The following LIMCH1 variants were observed in gnomAD, a reference collection of about 807,000 sequenced individuals.
LIMCH1 encodes LIM and calponin homology domains 1, also known as LIM and calponin homology domains-containing protein 1.
LIMCH1 carries 113 observed loss-of-function variants against 176.5 expected under a neutral mutation model. The observed-to-expected ratio is 0.64, with a 90% CI of 0.55 to 0.75. The LOEUF (loss-of-function observed/expected upper bound fraction) is 0.75, where lower values mean the gene tolerates loss of function less well. LIMCH1 is among the 30% of genes least tolerant of loss of function. The pLI, the probability that LIMCH1 is intolerant of heterozygous loss-of-function variation, is 0.00. For synonymous variants in LIMCH1, 619 were observed against 645.9 expected (o/e 0.96, Z 0.63); for missense variants, 1,674 against 1,814.9 (o/e 0.92, Z 1.41).
chr4:41,596,057 AAAAAT>A (rs1240750584), intron 1 of LIMCH1, among the ~76,000 whole-genome samples: 2,332 of 145,524 alleles, frequency 0.016, 164 homozygotes, highest in African/African-American at 0.059. Flanking sequence ...TCAAAAAAAA[AAAAAT>A]AAAAAAGTTC....
chr4:41,402,055 A>G (rs983115733), intron 1 of LIMCH1, among the ~76,000 whole-genome samples: 5 of 152,182 alleles, frequency 3.3e-5, no homozygotes, highest in East Asian at 3.9e-4. Flanking sequence ...CCTGGCCAGA[A>G]CTTCCAACAC....
At chr4:41,534,978 T>C (rs1583637583), upstream of LIMCH1, among the ~76,000 whole-genome samples, 1 of 151,998 alleles carries the variant, frequency 6.6e-6, no homozygotes, top group East Asian at 1.9e-4. Context: ...CTAGGCAACA[T>C]GGCAAAATCT....
intron 20 of LIMCH1, among the ~76,000 whole-genome samples, chr4:41,663,465 T>TA (rs1339559071): frequency 6.6e-6 from 1 of 152,218 alleles, no homozygotes; most frequent in Non-Finnish European, 1.5e-5. Context: ...CCTGTCAGCT[T>TA]ACTGGCTAGT....
chr4:41,655,605 C>G (rs1433004663), intron 18 of LIMCH1, among the ~76,000 whole-genome samples: 1 of 152,134 alleles, frequency 6.6e-6, no homozygotes, highest in Non-Finnish European at 1.5e-5. Context: ...AAAAAACATA[C>G]AGATGTGGAC....
At chr4:41,543,127 G>A (rs1003049147) in intron 1 of LIMCH1, among the ~76,000 whole-genome samples, 1 of 152,094 alleles carries the variant, frequency 6.6e-6, no homozygotes, top group South Asian at 2.1e-4. Flanking sequence ...AAGAGATGTG[G>A]GTGTTCATTC....
chr4:41,576,173 T>C (rs879705697), intron 1 of LIMCH1, among the ~76,000 whole-genome samples: 1 of 152,240 alleles, frequency 6.6e-6, no homozygotes, highest in Admixed American at 6.5e-5. Context: ...GTTTTTGAAC[T>C]TCTATTTGTC....
chr4:41,632,626 C>G (rs1307792167), intron 10 of LIMCH1, 123 bp from the exon 11 acceptor site: 1 of 752,612 alleles, frequency 1.3e-6, no homozygotes, highest in African/African-American at 1.7e-5. Context: ...TACTAACCAG[C>G]CTTTGGAATG....
intron 1 of LIMCH1, among the ~76,000 whole-genome samples, chr4:41,581,923 G>A (rs554896621): frequency 2.0e-5 from 3 of 151,186 alleles, no homozygotes; most frequent in Admixed American, 6.6e-5. Flanking sequence ...GTTCATCCAC[G>A]TTCTCACAAA....
chr4:41,664,681 A>T (rs936859743), intron 20 of LIMCH1, among the ~76,000 whole-genome samples: 2 of 152,224 alleles, frequency 1.3e-5, no homozygotes, highest in Non-Finnish European at 2.9e-5. Flanking sequence ...CAAGTAAAAC[A>T]TATAACTTGA....
At chr4:41,582,192 A>G (rs193027780) in intron 1 of LIMCH1, among the ~76,000 whole-genome samples, 1 of 152,188 alleles carries the variant, frequency 6.6e-6, no homozygotes, top group Non-Finnish European at 1.5e-5. Context: ...CTGCATGGTA[A>G]CTCATGGAAT....
intron 1 of LIMCH1, among the ~76,000 whole-genome samples, chr4:41,570,927 T>C (rs2083457714): frequency 6.6e-6 from 1 of 152,160 alleles, no homozygotes; most frequent in Non-Finnish European, 1.5e-5. Flanking sequence ...TAGGAGGTAA[T>C]GAACTGTGTC....
chr4:41,590,066 C>T (rs2087224953), intron 1 of LIMCH1, among the ~76,000 whole-genome samples: 1 of 151,950 alleles, frequency 6.6e-6, no homozygotes, highest in East Asian at 1.9e-4. Context: ...TTTAGCTCTC[C>T]CTGGGATCTT....
intron 1 of LIMCH1, among the ~76,000 whole-genome samples, chr4:41,491,824 C>T (rs143460633): frequency 0.057 from 8,309 of 144,654 alleles, 291 homozygotes; most frequent in Non-Finnish European, 0.068. Flanking sequence ...CAGGCAGAAG[C>T]GCTCCTCACT....
rs950383449 is a variant in LIMCH1 at position 41,681,073 on chromosome 4, T to G, written c.3717+14T>G. The G allele has an allele frequency of 2.7e-6, 4 of 1,488,154 alleles. No homozygotes were observed. The African/African-American group carries it at 5.6e-5, about 21-fold the overall frequency. 92.2% of individuals were successfully genotyped at this position (1,488,154 alleles called of 1,614,324 possible). ...AGTGGGACAATGGTGAGACCACAGA[T>G]TAAAAGCAATTTGTGAAATAAATAA... is the stretch of plus-strand genomic sequence containing the variant. On this transcript the variant is annotated intron_variant, in intron 25 of 31. Transcript: ENST00000503057.
At chr4:41,497,169 T>C (rs1462409242) in intron 2 of LIMCH1, among the ~76,000 whole-genome samples, 3 of 152,242 alleles carry the variant, frequency 2.0e-5, no homozygotes, top group Non-Finnish European at 4.4e-5. Context: ...GGCAAATACA[T>C]GAGCAGCATT....
chr4:41,512,159 A>G (rs2075006220), intron 2 of LIMCH1, among the ~76,000 whole-genome samples: 1 of 152,206 alleles, frequency 6.6e-6, no homozygotes, highest in Admixed American at 6.5e-5. Context: ...AAGATGTTCA[A>G]CGTTGTTAGT....
intron 1 of LIMCH1, among the ~76,000 whole-genome samples, chr4:41,419,689 T>TTCCTTCCTTCC (rs2060415868): frequency 1.4e-5 from 1 of 70,542 alleles, no homozygotes; most frequent in Non-Finnish European, 2.6e-5. Flanking sequence ...TCCTCCTTCC[T>TTCCTTCCTTCC]TCCTTCCTTC....
chr4:41,687,435 C>G (rs1468746888), intron 28 of LIMCH1, among the ~76,000 whole-genome samples: 1 of 152,060 alleles, frequency 6.6e-6, no homozygotes, highest in Non-Finnish European at 1.5e-5. Context: ...GCCCTGGATC[C>G]CTCCTCATCT....
chr4:41,540,275 G>A (rs2078451464), intron 1 of LIMCH1, among the ~76,000 whole-genome samples: 1 of 152,136 alleles, frequency 6.6e-6, no homozygotes, highest in African/African-American at 2.4e-5. Flanking sequence ...AGAAAAACAG[G>A]AGTAGGAAAA....
Sources: allele counts gnomAD v4.1 joint callset (sites outside exome capture counted in the v4.1 genomes callset), GRCh38; gene constraint gnomAD v4.1.1; transcripts MANE v1.5; gene names NCBI Gene and HGNC (gene_info 2026-07-23, HGNC 2026-07-21).